Variants in POU6F2 observed in about 807,000 individuals in gnomAD.
POU6F2 encodes POU domain, class 6, transcription factor 2.
In POU6F2, 31 loss-of-function variants were observed where a neutral mutation model predicts 71.3. The ratio of observed to expected loss-of-function variants is 0.43; its 90% CI spans 0.33 to 0.59. The LOEUF is 0.59. POU6F2 is among the 20% of genes least tolerant of loss of function. POU6F2 has a pLI of 0.04. For synonymous variants in POU6F2, 347 were observed against 355.7 expected, an observed-to-expected ratio of 0.98 and a Z score of 0.27; for missense variants, 783 against 856.8, an observed-to-expected ratio of 0.91 and a Z score of 1.07.
chr7:39,011,238 T>A (rs1165757467), intron 1 of POU6F2, among the ~76,000 whole-genome samples: 2 of 147,324 alleles, frequency 1.4e-5, no homozygotes, highest in Non-Finnish European at 3.0e-5. Context: ...TTTAGGATAG[T>A]TAGCTCTTCT....
rs1239531249 is a variant in POU6F2, at chr7:39,408,949, G to A, written c.1113+2209G>A. Among the ~76,000 whole-genome samples, 3 of 152,204 alleles carry A rather than the reference G, an allele frequency of 2.0e-5. No homozygotes were observed. The East Asian group carries it at 5.8e-4, about 29-fold the overall frequency. On this transcript the variant is annotated intron_variant, in intron 6 of 9. Coordinates refer to ENST00000518318, the MANE Select transcript of POU6F2 (RefSeq NM_001370959.1). ...GTGACCCTATGAAGTGAGGTGAACA[G>A]CCTGTGGTCAAATTACACCAAAAGA...
intron 1 of POU6F2, among the ~76,000 whole-genome samples, chr7:39,056,858 C>T (rs1790539919): frequency 6.6e-6 from 1 of 152,080 alleles, no homozygotes; most frequent in Non-Finnish European, 1.5e-5. Context: ...GCTGACAATA[C>T]AGAATTATCT....
intron 2 of POU6F2, among the ~76,000 whole-genome samples, chr7:39,105,450 G>A (rs1229475048): frequency 6.8e-6 from 1 of 147,488 alleles, no homozygotes; most frequent in Admixed American, 6.7e-5. Flanking sequence ...TTTTTTTCCT[G>A]GTTTTATCTA....
At chr7:39,056,431 A>G (rs1004772126) in intron 1 of POU6F2, among the ~76,000 whole-genome samples, 2 of 152,070 alleles carry the variant, frequency 1.3e-5, no homozygotes, top group African/African-American at 4.8e-5. Context: ...TTCGAACATA[A>G]TGCTTTAAAT....
chr7:38,996,259 T>A (rs113439433), intron 1 of POU6F2, among the ~76,000 whole-genome samples: 4,713 of 152,032 alleles, frequency 0.031, 115 homozygotes, highest in African/African-American at 0.059. Context: ...CAGGCTGGTC[T>A]CAAACTCCCG....
At chr7:39,412,995 G>A (rs1787586447) in intron 6 of POU6F2, among the ~76,000 whole-genome samples, 2 of 149,684 alleles carry the variant, frequency 1.3e-5, no homozygotes, top group Admixed American at 6.6e-5. Context: ...TAGTAGAGAC[G>A]GGGTTTCACC....
At chr7:39,121,950 T>C (rs2128727700) in intron 2 of POU6F2, among the ~76,000 whole-genome samples, 1 of 152,308 alleles carries the variant, frequency 6.6e-6, no homozygotes, top group East Asian at 1.9e-4. Context: ...CCACCCGCAT[T>C]AGCCTACTAA....
chr7:39,031,372 A>C (rs1298344512), intron 1 of POU6F2, among the ~76,000 whole-genome samples: 2 of 152,334 alleles, frequency 1.3e-5, no homozygotes, highest in Middle Eastern at 6.8e-3. Context: ...AGGATCAGAA[A>C]AATAAATTTT....
intron 7 of POU6F2, among the ~76,000 whole-genome samples, chr7:39,447,577 G>A (rs1375792644): frequency 6.6e-6 from 1 of 152,110 alleles, no homozygotes; most frequent in Non-Finnish European, 1.5e-5. Context: ...CTATTGCCAG[G>A]ATTTTAAATA....
intron 6 of POU6F2, among the ~76,000 whole-genome samples, chr7:39,430,950 G>C (rs1562549842): frequency 6.6e-6 from 1 of 152,172 alleles, no homozygotes; most frequent in Non-Finnish European, 1.5e-5. Context: ...AGCTGAAGAT[G>C]GGAGGCCTGT....
intron 5 of POU6F2, among the ~76,000 whole-genome samples, chr7:39,378,232 G>C (rs1786747809): frequency 6.6e-6 from 1 of 152,120 alleles, no homozygotes. Context: ...GTAGTTTACG[G>C]GTGCAGTCAT....
chr7:39,345,933 A>C (rs1786025818), intron 5 of POU6F2, among the ~76,000 whole-genome samples: 1 of 152,228 alleles, frequency 6.6e-6, no homozygotes, highest in South Asian at 2.1e-4. Flanking sequence ...ACCTTCCAGA[A>C]AATTGAGGGC....
At chr7:39,197,994 C>G (rs1793821597) in intron 2 of POU6F2, among the ~76,000 whole-genome samples, 2 of 152,192 alleles carry the variant, frequency 1.3e-5, no homozygotes, top group Admixed American at 1.3e-4. Context: ...AATTTCTACT[C>G]CCAAAGTTCT....
At chr7:39,381,354 C>T (rs1414568419) in intron 5 of POU6F2, among the ~76,000 whole-genome samples, 1 of 152,210 alleles carries the variant, frequency 6.6e-6, no homozygotes, top group African/African-American at 2.4e-5. Context: ...TCTTGTGCTT[C>T]AGCTTCTTGA....
chr7:39,052,740 T>G (rs576492401), intron 1 of POU6F2, among the ~76,000 whole-genome samples: 26 of 152,186 alleles, frequency 1.7e-4, no homozygotes, highest in Non-Finnish European at 3.8e-4. Flanking sequence ...GTCACTATGG[T>G]GCTCTTCTTC....
intron 4 of POU6F2, among the ~76,000 whole-genome samples, chr7:39,234,589 C>G (rs1794638495): frequency 6.6e-6 from 1 of 152,100 alleles, no homozygotes; most frequent in Non-Finnish European, 1.5e-5. Flanking sequence ...TGTGATCCTT[C>G]TGGAAACTCA....
chr7:39,007,502 T>C (rs898163507), intron 1 of POU6F2, among the ~76,000 whole-genome samples: 1 of 152,224 alleles, frequency 6.6e-6, no homozygotes, highest in Non-Finnish European at 1.5e-5. Context: ...AGTTTTCTAA[T>C]TGCTTCTTTT....
At chr7:39,073,167 A>T (rs1304286733) in intron 1 of POU6F2, among the ~76,000 whole-genome samples, 3 of 152,142 alleles carry the variant, frequency 2.0e-5, no homozygotes, top group African/African-American at 7.2e-5. Context: ...TCTGATTCAG[A>T]GCCATCCCCA....
chr7:39,074,937 T>C (rs2128718838), intron 1 of POU6F2, among the ~76,000 whole-genome samples: 1 of 152,292 alleles, frequency 6.6e-6, no homozygotes, highest in East Asian at 1.9e-4. Flanking sequence ...ATACTGTTAT[T>C]ACCCCATTTT....
Sources: gnomAD v4.1 joint callset for allele counts (sites outside exome capture counted in the v4.1 genomes callset) on GRCh38, gnomAD v4.1.1 for gene constraint, MANE v1.5 for transcripts, NCBI Gene and HGNC (gene_info 2026-07-23, HGNC 2026-07-21) for gene names.